The following GNG7 variants were observed in gnomAD, a reference collection of about 807,000 sequenced individuals.
The protein encoded by GNG7 is guanine nucleotide-binding protein G(I)/G(S)/G(O) subunit gamma-7.
In GNG7, 1 loss-of-function variant was observed where a neutral mutation model predicts 4.0. The observed-to-expected ratio is 0.25, with a 90% CI of 0.09 to 1.18. The LOEUF (loss-of-function observed/expected upper bound fraction) is 1.18. Among genes scored for constraint, GNG7 ranks in the 50% most tolerant of loss-of-function variants. The pLI is 0.50. For synonymous variants in GNG7, 34 were observed against 36.9 expected (o/e 0.92, Z 0.29); for missense variants, 86 against 91.9 (o/e 0.94, Z 0.26).
intron 1 of GNG7, among the ~76,000 whole-genome samples, chr19:2,659,975 T>C (rs1435846080): frequency 6.6e-6 from 1 of 151,928 alleles, no homozygotes; most frequent in African/African-American, 2.4e-5. Flanking sequence ...TGTAATACCA[T>C]GAGGATCAAA....
chr19:2,696,957 A>G (rs10411800), intron 1 of GNG7, among the ~76,000 whole-genome samples: 28,361 of 152,134 alleles, frequency 0.19, 3,630 homozygotes, highest in East Asian at 0.55. Context: ...GGTTCAAGCG[A>G]TTCTCCTGCC....
At chr19:2,554,001 A>G (rs1307102061) in intron 3 of GNG7, among the ~76,000 whole-genome samples, 1 of 139,948 alleles carries the variant, frequency 7.1e-6, no homozygotes, top group Non-Finnish European at 1.5e-5. Flanking sequence ...TATTACACAT[A>G]TGTATATATT....
intron 1 of GNG7, among the ~76,000 whole-genome samples, chr19:2,688,587 C>T (rs776738273): frequency 2.8e-4 from 42 of 152,148 alleles, no homozygotes; most frequent in Non-Finnish European, 4.7e-4. Flanking sequence ...AATACCCAGC[C>T]GGTCCCCCTA....
Position 2,514,827 on chromosome 19 carries a change from T to C in GNG7, c.*195A>G, listed in dbSNP as rs112916541. Reference sequence around the variant, plus strand: ...AATTCATCTCCACCTACAAGGTCCATTCTACCCCATCCGGGCGGTGGGAAC... The same window carrying C: ...AATTCATCTCCACCTACAAGGTCCACTCTACCCCATCCGGGCGGTGGGAAC... On this transcript the variant is annotated 3_prime_UTR_variant, in exon 5 of 5. Coordinates refer to ENST00000382159, the MANE Select transcript of GNG7 (RefSeq NM_052847.3). 1.9e-6 allele frequency: 1 copy of C among 539,514 alleles called. No homozygotes were observed. The highest frequency in any genetic ancestry group is 3.3e-6 in the Non-Finnish European group (1 of 300,466). 33.4% of individuals were successfully genotyped at this position (539,514 alleles called of 1,614,324 possible).
intron 2 of GNG7, chr19:2,631,846 T>A (rs368968961): frequency 9.9e-5 from 15 of 152,090 alleles, no homozygotes; most frequent in African/African-American, 3.6e-4. Context: ...GCTTTAGCAG[T>A]TTTTTCCTTC....
chr19:2,568,490 G>T (rs185642754), intron 2 of GNG7, among the ~76,000 whole-genome samples: 1 of 143,088 alleles, frequency 7.0e-6, no homozygotes, highest in African/African-American at 2.6e-5. Flanking sequence ...ACAGACTTAC[G>T]CACATACACA....
intron 2 of GNG7, among the ~76,000 whole-genome samples, chr19:2,556,050 G>C (rs952338902): frequency 6.6e-6 from 1 of 152,230 alleles, no homozygotes; most frequent in African/African-American, 2.4e-5. Context: ...CAGCTTCGCG[G>C]CAGCCTCCTA....
rs535166202 is a variant in GNG7 at position 2,700,785 on chromosome 19, G to C, written c.-135+1861C>G. 503 of 152,254 alleles carry C rather than the reference G, an allele frequency of 3.3e-3. 9 individuals carry two copies. The highest frequency in any genetic ancestry group is 1.2e-3 in the Non-Finnish European group (83 of 68,038). 9.4% of individuals were successfully genotyped at this position (152,254 alleles called of 1,614,324 possible). The stretch of plus-strand genomic sequence containing the variant: ...AAATCCGCAGCGAGAGGCTGGGTCG[G>C]AACACACACAGGCGCACCTCCCAGA... On this transcript the variant is annotated intron_variant, in intron 1 of 4. Coordinates refer to ENST00000382159, the MANE Select transcript of GNG7 (RefSeq NM_052847.3).
chr19:2,652,272 A>T (rs1217279453), intron 1 of GNG7, among the ~76,000 whole-genome samples: 1 of 152,168 alleles, frequency 6.6e-6, no homozygotes, highest in Non-Finnish European at 1.5e-5. Context: ...GCTGAGAGAG[A>T]AAAACACTGC....
intron 4 of GNG7, among the ~76,000 whole-genome samples, chr19:2,516,517 C>A (rs931950601): frequency 1.3e-5 from 2 of 152,138 alleles, no homozygotes; most frequent in African/African-American, 4.8e-5. Context: ...AGCCACGGCA[C>A]CTGGCCTAAA....
At chr19:2,690,019 G>C (rs1913096921) in intron 1 of GNG7, among the ~76,000 whole-genome samples, 1 of 152,110 alleles carries the variant, frequency 6.6e-6, no homozygotes, top group South Asian at 2.1e-4. Flanking sequence ...CCTTTTCTTT[G>C]ACTTTTGTTT....
chr19:2,562,955 TG>T (rs1421190984), intron 2 of GNG7, among the ~76,000 whole-genome samples: 1 of 151,972 alleles, frequency 6.6e-6, no homozygotes, highest in Admixed American at 6.6e-5. Flanking sequence ...TCTTTTTTTT[TG>T]TTTTTTGAGA....
intron 2 of GNG7, among the ~76,000 whole-genome samples, chr19:2,640,199 G>A (rs1982468997): frequency 6.8e-6 from 1 of 146,646 alleles, no homozygotes; most frequent in South Asian, 2.3e-4. Context: ...AGAGAAGGGG[G>A]AGAGGGAGGA....
intron 2 of GNG7, among the ~76,000 whole-genome samples, chr19:2,587,178 G>T (rs551879832): frequency 1.3e-5 from 2 of 151,842 alleles, no homozygotes; most frequent in African/African-American, 4.8e-5. Flanking sequence ...GGAGAGTTGC[G>T]GCGGCAAGAA....
At chr19:2,647,960 G>A (rs559335665) in intron 1 of GNG7, among the ~76,000 whole-genome samples, 12 of 149,422 alleles carry the variant, frequency 8.0e-5, no homozygotes, top group South Asian at 2.1e-4. Context: ...CCCGGGAGGC[G>A]GAGGTTGCAG....
chr19:2,570,405 G>C (rs1366411134), intron 2 of GNG7, among the ~76,000 whole-genome samples: 1 of 152,148 alleles, frequency 6.6e-6, no homozygotes, highest in Non-Finnish European at 1.5e-5. Context: ...GTCAGGCACG[G>C]GGAGACACGC....
At chr19:2,635,914 CTG>C (rs1982295816) in intron 2 of GNG7, among the ~76,000 whole-genome samples, 1 of 152,142 alleles carries the variant, frequency 6.6e-6, no homozygotes, top group South Asian at 2.1e-4. Context: ...CTAAGGGACA[CTG>C]AGTGATATTT....
chr19:2,560,012 C>G (rs75615712), intron 2 of GNG7, among the ~76,000 whole-genome samples: 2 of 152,136 alleles, frequency 1.3e-5, no homozygotes, highest in Middle Eastern at 3.4e-3. Context: ...ACGCAAACCC[C>G]GAGGCTCTCG....
At chr19:2,549,755 G>A (rs1316429550) in intron 3 of GNG7, among the ~76,000 whole-genome samples, 2 of 152,170 alleles carry the variant, frequency 1.3e-5, no homozygotes, top group African/African-American at 4.8e-5. Flanking sequence ...CAAGGCTGCT[G>A]TGTCTGGGGT....
Sources: allele counts gnomAD v4.1 joint callset (sites outside exome capture counted in the v4.1 genomes callset), GRCh38; gene constraint gnomAD v4.1.1; transcripts MANE v1.5; gene names NCBI Gene and HGNC (gene_info 2026-07-23, HGNC 2026-07-21).